CATSPERT: variants seen among roughly 807,000 people sequenced by gnomAD.
CATSPERT encodes catsper channel auxiliary subunit tau, also known as cation channel sperm-associated targeting subunit tau.
the CATSPERT span, among the ~76,000 whole-genome samples, chr2:201,594,622 G>C: frequency 6.6e-6 from 1 of 152,096 alleles, no homozygotes; most frequent in African/African-American, 2.4e-5. Flanking sequence ...ACACCAATCA[G>C]ACGTAGATTT....
chr2:201,522,542 T>A, the CATSPERT span, among the ~76,000 whole-genome samples: 6 of 152,094 alleles, frequency 3.9e-5, no homozygotes, highest in African/African-American at 1.4e-4. Flanking sequence ...AAGGACTCAT[T>A]CCTGGCCCCA....
the CATSPERT span, among the ~76,000 whole-genome samples, chr2:201,518,386 A>G: frequency 6.6e-6 from 1 of 152,246 alleles, no homozygotes; most frequent in East Asian, 1.9e-4. Context: ...TAACTACCAC[A>G]TTCATGACTA....
the CATSPERT span, among the ~76,000 whole-genome samples, chr2:201,605,059 TAC>T: frequency 6.1e-4 from 92 of 149,756 alleles, no homozygotes; most frequent in African/African-American, 8.6e-4. Flanking sequence ...TATATATACA[TAC>T]ACACACACAC....
At chr2:201,494,104 G>C in the CATSPERT span, 1 of 1,534,074 alleles carries the variant, frequency 6.5e-7, no homozygotes, top group Non-Finnish European at 8.7e-7. Context: ...ACTTAAAGTA[G>C]TCTTTGAATT....
the CATSPERT span, among the ~76,000 whole-genome samples, chr2:201,605,246 T>C: frequency 6.6e-6 from 1 of 152,126 alleles, no homozygotes; most frequent in East Asian, 1.9e-4. Context: ...AAAATCATCC[T>C]GAGAAAGAGA....
At chr2:201,535,275 G>C in the CATSPERT span, 1 of 985,120 alleles carries the variant, frequency 1.0e-6, no homozygotes, top group Non-Finnish European at 1.2e-6. Context: ...TTTAGAAGCA[G>C]AATCTCACTT....
At chr2:201,502,694 A>T in the CATSPERT span, among the ~76,000 whole-genome samples, 1 of 151,008 alleles carries the variant, frequency 6.6e-6, no homozygotes, top group Non-Finnish European at 1.5e-5. Flanking sequence ...ATTGATTCTT[A>T]GTAATGTGAT....
the CATSPERT span, among the ~76,000 whole-genome samples, chr2:201,556,288 T>C: frequency 6.6e-6 from 1 of 152,022 alleles, no homozygotes; most frequent in Non-Finnish European, 1.5e-5. Context: ...AGAGGGCGGA[T>C]CACGAGGTCA....
chr2:201,601,273 A>AGTGTGT, the CATSPERT span, among the ~76,000 whole-genome samples: 367 of 41,848 alleles, frequency 8.8e-3, 1 homozygote, highest in Middle Eastern at 0.024. Context: ...TAAGGATGAT[A>AGTGTGT]GTGTGTGTGT....
chr2:201,545,629 C>CAAAAA, the CATSPERT span: 660 of 156,416 alleles, frequency 4.2e-3, 3 homozygotes, highest in Middle Eastern at 5.2e-3. Flanking sequence ...TTCCTAGAAG[C>CAAAAA]AAAAAAAAAA....
chr2:201,541,531 T>TCATATATATA, the CATSPERT span, among the ~76,000 whole-genome samples: 1 of 92,768 alleles, frequency 1.1e-5, no homozygotes, highest in African/African-American at 4.5e-5. Flanking sequence ...TCAGATGATT[T>TCATATATATA]TATATATATA....
chr2:201,512,558 C>CT, the CATSPERT span, among the ~76,000 whole-genome samples: 1 of 151,822 alleles, frequency 6.6e-6, no homozygotes, highest in Non-Finnish European at 1.5e-5. Context: ...TTGGGATTGT[C>CT]TTTTTTTTAC....
the CATSPERT span, among the ~76,000 whole-genome samples, chr2:201,504,584 A>G: frequency 6.6e-6 from 1 of 152,126 alleles, no homozygotes; most frequent in Non-Finnish European, 1.5e-5. Flanking sequence ...TCTCTGTCAC[A>G]TGCTCTTCTC....
At chr2:201,538,941 T>C in the CATSPERT span, among the ~76,000 whole-genome samples, 1 of 152,070 alleles carries the variant, frequency 6.6e-6, no homozygotes, top group Non-Finnish European at 1.5e-5. Context: ...TTCCTGCATT[T>C]GTTGCTAAGG....
At chr2:201,600,911 C>T in the CATSPERT span, among the ~76,000 whole-genome samples, 2 of 152,086 alleles carry the variant, frequency 1.3e-5, no homozygotes, top group African/African-American at 4.8e-5. Flanking sequence ...ACCACCATGC[C>T]TGGCTAATTT....
At chr2:201,606,627 G>A in the CATSPERT span, among the ~76,000 whole-genome samples, 1 of 152,078 alleles carries the variant, frequency 6.6e-6, no homozygotes, top group Non-Finnish European at 1.5e-5. Context: ...GGACAGGCAC[G>A]GTGGCTCACA....
chr2:201,535,801 C>CT, the CATSPERT span: 1 of 1,408,490 alleles, frequency 7.1e-7, no homozygotes, highest in African/African-American at 1.4e-5. Context: ...TTTTGTCTCC[C>CT]TAGTCTTATA....
At chr2:201,543,416 C>T in the CATSPERT span, among the ~76,000 whole-genome samples, 1 of 152,116 alleles carries the variant, frequency 6.6e-6, no homozygotes, top group African/African-American at 2.4e-5. Context: ...AGAGATTGCA[C>T]TGAATCTGTA....
At chr2:201,615,841 T>C in the CATSPERT span, among the ~76,000 whole-genome samples, 1 of 151,564 alleles carries the variant, frequency 6.6e-6, no homozygotes, top group African/African-American at 2.4e-5. Flanking sequence ...GAGAGAAGAA[T>C]CAAATAGACA....
Sources: gnomAD v4.1 joint callset for allele counts (sites outside exome capture counted in the v4.1 genomes callset) on GRCh38, gnomAD v4.1.1 for gene constraint, MANE v1.5 for transcripts, NCBI Gene and HGNC (gene_info 2026-07-23, HGNC 2026-07-21) for gene names.